The following SLC8A1 variants were observed in gnomAD, a reference collection of about 807,000 sequenced individuals.
SLC8A1 encodes solute carrier family 8 member A1.
A neutral mutation model predicts 68.3 loss-of-function variants in SLC8A1; 18 were observed. That is an observed-to-expected ratio of 0.26 (90% CI 0.18 to 0.39). SLC8A1 has a LOEUF of 0.39. Among genes scored for constraint, SLC8A1 ranks in the 10% least tolerant of loss-of-function variants. SLC8A1 has a pLI of 1.00. For synonymous variants in SLC8A1, 475 were observed against 415.5 expected (o/e 1.14, Z -1.74); for missense variants, 985 against 1,156.7 (o/e 0.85, Z 2.15).
intron 2 of SLC8A1, among the ~76,000 whole-genome samples, chr2:40,239,332 G>C (rs1291018100): frequency 2.0e-5 from 3 of 152,168 alleles, no homozygotes; most frequent in Admixed American, 1.3e-4. Context: ...CACACACCAA[G>C]ATCACTGAGT....
chr2:40,186,853 A>G (rs537176924), intron 2 of SLC8A1, among the ~76,000 whole-genome samples: 1 of 152,260 alleles, frequency 6.6e-6, no homozygotes, highest in Non-Finnish European at 1.5e-5. Context: ...TGATGATCAA[A>G]TAATGGTTAT....
intron 2 of SLC8A1, among the ~76,000 whole-genome samples, chr2:40,354,408 C>T (rs369507447): frequency 5.3e-5 from 8 of 152,166 alleles, no homozygotes; most frequent in East Asian, 3.9e-4. Context: ...GCACAGCCCA[C>T]CCATCTGCTG....
At chr2:40,378,638 C>G (rs1253445008) in intron 2 of SLC8A1, among the ~76,000 whole-genome samples, 1 of 152,102 alleles carries the variant, frequency 6.6e-6, no homozygotes, top group African/African-American at 2.4e-5. Context: ...CAGTTTGTAC[C>G]TTTCCTGTGG....
chr2:40,136,046 A>G (rs2040439195), intron 7 of SLC8A1, among the ~76,000 whole-genome samples: 1 of 152,186 alleles, frequency 6.6e-6, no homozygotes, highest in Admixed American at 6.5e-5. Flanking sequence ...CATTTACACC[A>G]TGGAGACTGA....
intron 2 of SLC8A1, among the ~76,000 whole-genome samples, chr2:40,358,913 A>C (rs1274491277): frequency 6.6e-6 from 1 of 152,196 alleles, no homozygotes; most frequent in Admixed American, 6.6e-5. Context: ...TGTAGGAAGG[A>C]CTTTACTGAG....
intron 2 of SLC8A1, among the ~76,000 whole-genome samples, chr2:40,264,648 A>G (rs1023652612): frequency 4.6e-5 from 7 of 152,198 alleles, no homozygotes; most frequent in Non-Finnish European, 7.3e-5. Flanking sequence ...GGAATTGAAC[A>G]ATGAGAACAC....
intron 6 of SLC8A1, among the ~76,000 whole-genome samples, chr2:40,153,093 A>T (rs1392831302): frequency 6.6e-6 from 1 of 152,222 alleles, no homozygotes; most frequent in East Asian, 1.9e-4. Flanking sequence ...ATTTTAAAAA[A>T]ATATCACTTA....
chr2:40,511,936 T>C (rs987404289), intron 1 of SLC8A1, among the ~76,000 whole-genome samples: 12 of 152,168 alleles, frequency 7.9e-5, no homozygotes, highest in African/African-American at 2.9e-4. Flanking sequence ...ATGCGAGTTT[T>C]TGCTGGCTTG....
chr2:40,259,064 T>C (rs994646156), intron 2 of SLC8A1, among the ~76,000 whole-genome samples: 4 of 151,892 alleles, frequency 2.6e-5, no homozygotes, highest in Non-Finnish European at 5.9e-5. Flanking sequence ...GGTGTGAGGG[T>C]GTGAGGTGTT....
At chr2:40,131,345 C>G (rs1553345511) in intron 7 of SLC8A1, among the ~76,000 whole-genome samples, 5 of 152,182 alleles carry the variant, frequency 3.3e-5, no homozygotes, top group Non-Finnish European at 7.3e-5. Context: ...TGTTAACTGT[C>G]AATCTATCTG....
intron 2 of SLC8A1, among the ~76,000 whole-genome samples, chr2:40,227,870 T>C (rs550982215): frequency 6.8e-4 from 103 of 152,222 alleles, no homozygotes; most frequent in African/African-American, 2.4e-3. Context: ...AGTTTGTTCC[T>C]GTATCTTAGG....
intron 2 of SLC8A1, among the ~76,000 whole-genome samples, chr2:40,380,540 G>C (rs1681404736): frequency 6.6e-6 from 1 of 151,976 alleles, no homozygotes; most frequent in Non-Finnish European, 1.5e-5. Context: ...TTGATTTGTT[G>C]GTTGAGGATT....
At chr2:40,395,921 G>A (rs2149623388) in intron 2 of SLC8A1, among the ~76,000 whole-genome samples, 1 of 152,162 alleles carries the variant, frequency 6.6e-6, no homozygotes, top group East Asian at 1.9e-4. Context: ...AACACACGCT[G>A]CCTTTTACAT....
At chr2:40,135,645 G>A (rs1008285752) in intron 7 of SLC8A1, among the ~76,000 whole-genome samples, 3 of 152,156 alleles carry the variant, frequency 2.0e-5, no homozygotes, top group African/African-American at 7.2e-5. Flanking sequence ...TTGAACCCGA[G>A]AGGCGGAGGT....
intron 2 of SLC8A1, among the ~76,000 whole-genome samples, chr2:40,378,126 A>G (rs1471944317): frequency 6.6e-5 from 10 of 152,120 alleles, no homozygotes; most frequent in African/African-American, 1.9e-4. Flanking sequence ...GCCTTTATAG[A>G]GTTTAAATTC....
intron 2 of SLC8A1, among the ~76,000 whole-genome samples, chr2:40,271,874 A>T (rs1351777951): frequency 6.6e-6 from 1 of 150,456 alleles, no homozygotes; most frequent in Non-Finnish European, 1.5e-5. Flanking sequence ...TTATTTATTT[A>T]TTTTTTTTTA....
chr2:40,148,618 C>A (rs147851694), intron 6 of SLC8A1, among the ~76,000 whole-genome samples: 1 of 152,176 alleles, frequency 6.6e-6, no homozygotes, highest in East Asian at 1.9e-4. Flanking sequence ...TCAGTAAACA[C>A]GGCCCTCCAC....
At chr2:40,211,216 G>A (rs891671304) in intron 2 of SLC8A1, among the ~76,000 whole-genome samples, 30 of 152,168 alleles carry the variant, frequency 2.0e-4, no homozygotes, top group Admixed American at 4.6e-4. Context: ...GCATACTCAT[G>A]AGATCTGAAA....
At chr2:40,491,595 T>C (rs900317462) in intron 1 of SLC8A1, among the ~76,000 whole-genome samples, 7 of 152,126 alleles carry the variant, frequency 4.6e-5, no homozygotes, top group African/African-American at 9.7e-5. Flanking sequence ...AGTTTTTGCC[T>C]ATTCAGTATG....
Sources: gnomAD v4.1 joint callset for allele counts (sites outside exome capture counted in the v4.1 genomes callset) on GRCh38, gnomAD v4.1.1 for gene constraint, MANE v1.5 for transcripts, NCBI Gene and HGNC (gene_info 2026-07-23, HGNC 2026-07-21) for gene names.